Variants in TMEM14B observed in about 807,000 individuals in gnomAD.
TMEM14B encodes transmembrane protein 14B.
TMEM14B carries 9 observed loss-of-function variants against 14.8 expected under a neutral mutation model. The ratio of observed to expected loss-of-function variants is 0.61; its 90% CI spans 0.37 to 1.06. TMEM14B has a LOEUF of 1.06. TMEM14B is among the 50% of genes least tolerant of loss of function. The pLI is 0.01. For synonymous variants in TMEM14B, 40 were observed against 51.3 expected (o/e 0.78, Z 0.94); for missense variants, 128 against 143.6 (o/e 0.89, Z 0.56).
Position 10,755,512 on chromosome 6 carries a change from T to C in TMEM14B, c.293+280T>C, listed in dbSNP as rs138651079. On this transcript the variant is annotated intron_variant, in intron 5 of 5. Transcript: ENST00000379542. ...ATTGCAAAGCTATGACTGCAGCCTT[T>C]TGTGTGACTTGCGGAGGATGTGTGG... The C allele has an allele frequency of 3.6e-5, 50 of 1,388,170 alleles. No individual in the cohort carries two copies. The African/African-American group carries it at 4.5e-4, about 12-fold the overall frequency. The allele number at this position is 1,388,170 out of a possible 1,614,324, so 86.0% of individuals were successfully genotyped here. A position where few individuals can be genotyped will look rare whatever the true frequency, so the allele number is the denominator to read the frequency against.
intron 5 of TMEM14B, 162 bp downstream of exon 5, chr6:10,755,394 A>T (rs1405713850): frequency 6.6e-7 from 1 of 1,512,972 alleles, no homozygotes; most frequent in East Asian, 2.4e-5. Flanking sequence ...ACAATAGTTG[A>T]TTTAATGTCA....
rs531171772 is a variant in TMEM14B, at chr6:10,751,747, A to G, written c.202+513A>G. 7.0e-4 allele frequency among the ~76,000 whole-genome samples: 107 copies of G among 152,216 alleles called. 1 individual carries two copies. The highest frequency in any genetic ancestry group is 6.8e-3 in the Middle Eastern group (2 of 294). ...GCAGTCAGCTAACTAAATATATAAG[A>G]CGTAGACCATGCTTTCAAGGAGCTT... On this transcript the variant is annotated intron_variant, in intron 4 of 5. Coordinates refer to ENST00000379542, the MANE Select transcript of TMEM14B (RefSeq NM_030969.5).
At chr6:10,748,153 A>G (rs924456341) in intron 1 of TMEM14B, among the ~76,000 whole-genome samples, 1 of 152,118 alleles carries the variant, frequency 6.6e-6, no homozygotes, top group Non-Finnish European at 1.5e-5. Flanking sequence ...CAGCTCTTTA[A>G]AAGCCTCCCT....
chr6:10,751,750 T>G (rs1771580647), intron 4 of TMEM14B, among the ~76,000 whole-genome samples: 1 of 152,092 alleles, frequency 6.6e-6, no homozygotes, highest in African/African-American at 2.4e-5. Context: ...ATATAAGACG[T>G]AGACCATGCT....
chr6:10,749,329 C>A, intron 2 of TMEM14B, 61 bp downstream of exon 2: 1 of 1,600,424 alleles, frequency 6.2e-7, no homozygotes, highest in Non-Finnish European at 8.6e-7. Context: ...GAGTTCCTTT[C>A]CTCAGCTGAA....
chr6:10,749,528 A>T (rs1771466210), intron 2 of TMEM14B, 94 bp from the exon 3 acceptor site: 1 of 1,433,456 alleles, frequency 7.0e-7, no homozygotes, highest in Non-Finnish European at 9.8e-7. Context: ...ACCTGTGGGG[A>T]ATGATTACCT....
chr6:10,754,650 T>C (rs933205972), intron 4 of TMEM14B, among the ~76,000 whole-genome samples: 17 of 152,214 alleles, frequency 1.1e-4, no homozygotes, highest in Admixed American at 9.8e-4. Context: ...TGTGTGATTG[T>C]TTAAAGTCTT....
intron 2 of TMEM14B, 85 bp from the exon 3 acceptor site, chr6:10,749,537 C>CT: frequency 6.7e-7 from 1 of 1,493,438 alleles, no homozygotes; most frequent in Non-Finnish European, 9.3e-7. Context: ...GAATGATTAC[C>CT]TTTTAGCCCC....
At chr6:10,759,679 C>G (rs1324923856), downstream of TMEM14B, 2 of 152,206 alleles carry the variant, frequency 1.3e-5, no homozygotes, top group Non-Finnish European at 2.9e-5. Flanking sequence ...ATCTGTGTCC[C>G]AGCTGTTCAC....
In TMEM14B at chr6:10,756,799, T is replaced by A; in HGVS notation, c.*281T>A. On this transcript the variant is annotated 3_prime_UTR_variant, in exon 6 of 6. Coordinates refer to ENST00000379542, the MANE Select transcript of TMEM14B (RefSeq NM_030969.5). Reference sequence around the variant, plus strand: ...TGTATCTATAGGTAAATCTCAAGGGTAAAATGTTAGGTGTTGACATTGAGA... The same window carrying A: ...TGTATCTATAGGTAAATCTCAAGGGAAAAATGTTAGGTGTTGACATTGAGA... 1 of 1,048,700 alleles carries A rather than the reference T, an allele frequency of 9.5e-7. No homozygotes were observed. Among genetic ancestry groups the A allele is most frequent in the Non-Finnish European group, 1.1e-6 (1 of 871,284 alleles). The allele number at this position is 1,048,700 out of a possible 1,614,324, so 65.0% of individuals were successfully genotyped here. A position where few individuals can be genotyped will look rare whatever the true frequency, so the allele number is the denominator to read the frequency against.
At position 10,749,682 on chromosome 6, in the gene TMEM14B, T is replaced by A. The variant is rs373133870; in HGVS notation, c.84T>A (p.Val28=). The change falls in exon 3 of 6, where the codon GTT becomes GTA. Residue 28 remains valine (V), a synonymous_variant. Coordinates refer to ENST00000379542, the MANE Select transcript of TMEM14B (RefSeq NM_030969.5). ...YTALVVSGGI[V]GYVKTGSVPS... ...CACTGGTTGTTTCTGGTGGGATCGTTGGCTATGTAAAAACAGGTAGGGTTT... is the reference window on the plus strand; with the variant it reads ...CACTGGTTGTTTCTGGTGGGATCGTAGGCTATGTAAAAACAGGTAGGGTTT... 19 of 1,614,092 alleles carry A rather than the reference T, an allele frequency of 1.2e-5. No homozygotes were observed. The highest frequency in any genetic ancestry group is 1.6e-5 in the Non-Finnish European group (19 of 1,180,042).
intron 4 of TMEM14B, among the ~76,000 whole-genome samples, chr6:10,754,573 C>T (rs141261996): frequency 6.6e-6 from 1 of 152,196 alleles, no homozygotes; most frequent in African/African-American, 2.4e-5. Flanking sequence ...ATAGGTTGAT[C>T]CCCCTGTTGA....
chr6:10,756,350 C>T, intron 5 of TMEM14B, 117 bp from the exon 6 acceptor site: 2 of 1,230,174 alleles, frequency 1.6e-6, no homozygotes, highest in Non-Finnish European at 2.2e-6. Context: ...ACCACTCTTG[C>T]CTTAGTACCT....
chr6:10,749,254 G>A lies in TMEM14B; in HGVS notation c.9G>A (p.Lys3=), dbSNP rs1771456642. ...GGACTGAGAAGAGAAGAATGGAGAA[G>A]CCCCTCTTCCCATTGTGAGTAGACA... The part of the protein sequence containing the change: ME[K]PLFPLVPLHW... The change falls in exon 2 of 6, where the codon AAG becomes AAA. Residue 3 remains lysine (K), a synonymous_variant. Transcript: ENST00000379542. The A allele has an allele frequency of 1.2e-6, 2 of 1,614,188 alleles. No individual in the cohort carries two copies. The highest frequency in any genetic ancestry group is 4.5e-5 in the East Asian group (2 of 44,888).
intron 5 of TMEM14B, chr6:10,755,936 A>G (rs1457689484): frequency 6.6e-6 from 1 of 151,626 alleles, no homozygotes; most frequent in African/African-American, 2.5e-5. Flanking sequence ...CCTGGGCAAC[A>G]ATGAGTGAGA....
intron 3 of TMEM14B, among the ~76,000 whole-genome samples, chr6:10,750,268 G>T (rs1251104810): frequency 6.6e-6 from 1 of 151,768 alleles, no homozygotes; most frequent in African/African-American, 2.4e-5. Flanking sequence ...TGGTTGATGA[G>T]GCCTGATTAG....
At chr6:10,759,248 G>A (rs1031391775), downstream of TMEM14B, 1 of 151,662 alleles carries the variant, frequency 6.6e-6, no homozygotes, top group Non-Finnish European at 1.5e-5. Flanking sequence ...CTTTTAAGTT[G>A]TACGGATGAT....
chr6:10,754,713 T>C (rs1032309400), intron 4 of TMEM14B, among the ~76,000 whole-genome samples: 1 of 152,246 alleles, frequency 6.6e-6, no homozygotes, highest in Non-Finnish European at 1.5e-5. Flanking sequence ...ACGATTACTT[T>C]TGTATTCTCC....
rs546089107 is a variant in TMEM14B at position 10,751,078 on chromosome 6, G to A, written c.101-55G>A. On this transcript the variant is annotated intron_variant, in intron 3 of 5. Coordinates refer to ENST00000379542, the MANE Select transcript of TMEM14B (RefSeq NM_030969.5). ...TAGGGCAGGAGGTCTGGTGGATTCC[G>A]TTAGTGAAATAAGTGCCTGACATTA... The A allele has an allele frequency of 1.8e-4, 283 of 1,605,964 alleles. 5 individuals carry two copies. The African/African-American group carries it at 3.3e-3, about 19-fold the overall frequency.
Sources: allele counts gnomAD v4.1 joint callset (sites outside exome capture counted in the v4.1 genomes callset), GRCh38; gene constraint gnomAD v4.1.1; transcripts MANE v1.5; gene names NCBI Gene and HGNC (gene_info 2026-07-23, HGNC 2026-07-21).